The following GAPVD1 variants were observed in gnomAD, a reference collection of about 807,000 sequenced individuals.
GAPVD1 encodes the protein GTPase-activating protein and VPS9 domain-containing protein 1.
Under a neutral mutation model 155.5 loss-of-function variants are expected in GAPVD1, and 35 were observed. The observed-to-expected ratio is 0.23, with a 90% CI of 0.17 to 0.30. The LOEUF (loss-of-function observed/expected upper bound fraction) is 0.30, where lower values mean the gene tolerates loss of function less well. Ranked by LOEUF, GAPVD1 falls within the 10% of genes least tolerant of loss-of-function variation. The pLI is 1.00. For missense variants in GAPVD1, 1,429 were observed against 1,775.7 expected (o/e 0.80, Z 3.51); for synonymous variants, 636 against 619.7 (o/e 1.03, Z -0.39).
intron 13 of GAPVD1, among the ~76,000 whole-genome samples, chr9:125,330,546 A>G (rs1845928453): frequency 6.6e-6 from 1 of 151,958 alleles, no homozygotes; most frequent in African/African-American, 2.4e-5. Context: ...TGAACTACTG[A>G]CCTCAGGTGA....
At chr9:125,268,484 C>G (rs972866527) in intron 1 of GAPVD1, among the ~76,000 whole-genome samples, 5 of 151,326 alleles carry the variant, frequency 3.3e-5, no homozygotes, top group Non-Finnish European at 7.4e-5. Context: ...GGAATAATTA[C>G]CCCTAACATT....
intron 2 of GAPVD1, among the ~76,000 whole-genome samples, chr9:125,292,669 C>T (rs577274714): frequency 7.9e-5 from 12 of 152,008 alleles, no homozygotes; most frequent in Non-Finnish European, 1.3e-4. Context: ...GGATTACAGG[C>T]GTGAACCACC....
intron 2 of GAPVD1, among the ~76,000 whole-genome samples, chr9:125,272,767 T>C (rs1054637170): frequency 6.6e-6 from 1 of 152,190 alleles, no homozygotes; most frequent in African/African-American, 2.4e-5. Context: ...AATGAATATG[T>C]ATACTTTTTA....
At chr9:125,262,611 A>G (rs563675134) in intron 1 of GAPVD1, among the ~76,000 whole-genome samples, 1 of 152,302 alleles carries the variant, frequency 6.6e-6, no homozygotes, top group African/African-American at 2.4e-5. Flanking sequence ...AGGGAGACAT[A>G]GTGATAGGTT....
rs186114806 is a variant in GAPVD1 at position 125,362,918 on chromosome 9, C to T, written c.*172C>T. 4.5e-6 allele frequency: 2 copies of T among 444,716 alleles called. No homozygotes were observed. The highest frequency in any genetic ancestry group is 4.3e-5 in the Admixed American group (1 of 23,006). The allele number at this position is 444,716 out of a possible 1,614,324, so 27.5% of individuals were successfully genotyped here. On this transcript the variant is annotated 3_prime_UTR_variant, in exon 28 of 28. Coordinates refer to ENST00000297933, the MANE Select transcript of GAPVD1 (RefSeq NM_001282680.3). ...GTTAATGAGCTAACAAGCAGGTTCT[C>T]TCGTCTTTGGGCTCTTTCCTTTCTG...
At chr9:125,272,273 C>T (rs1423218644) in intron 2 of GAPVD1, among the ~76,000 whole-genome samples, 2 of 152,162 alleles carry the variant, frequency 1.3e-5, no homozygotes, top group African/African-American at 2.4e-5. Flanking sequence ...CCACCCGCCT[C>T]GGCCTCCCAA....
At chr9:125,271,882 T>A (rs1299462742) in intron 2 of GAPVD1, among the ~76,000 whole-genome samples, 1 of 152,186 alleles carries the variant, frequency 6.6e-6, no homozygotes, top group Non-Finnish European at 1.5e-5. Flanking sequence ...TTGTTTTACT[T>A]GTGTTATTTA....
At chr9:125,321,393 C>G (rs200142262) in intron 9 of GAPVD1, 40 bp from the exon 10 acceptor site, 1 of 1,507,092 alleles carries the variant, frequency 6.6e-7, no homozygotes, top group African/African-American at 1.4e-5. Context: ...TATCAGTAAT[C>G]TTTCCATTGA....
At position 125,323,802 on chromosome 9, in the gene GAPVD1, T is replaced by A. The variant is rs900183029; in HGVS notation, c.1737T>A (p.Pro579=). The A allele has an allele frequency of 1.9e-6, 3 of 1,613,648 alleles. No individual in the cohort carries two copies. The highest frequency in any genetic ancestry group is 1.1e-5 in the South Asian group (1 of 91,084). ...SDNLEGISEG[P]SNRSNSVSSL... The stretch of plus-strand genomic sequence containing the variant: ...ACACTATAAACATTTCTCTAGGTCC[T>A]TCAAATCGCTCCAATTCAGTGTCCT... Residue 579 remains proline (P), a synonymous_variant, in exon 11 of 28, where the codon CCT becomes CCA. Coordinates refer to ENST00000297933, the MANE Select transcript of GAPVD1 (RefSeq NM_001282680.3).
At chr9:125,336,905 G>A in intron 15 of GAPVD1, 113 bp from the exon 16 acceptor site, 1 of 637,806 alleles carries the variant, frequency 1.6e-6, no homozygotes, top group East Asian at 2.6e-5. Context: ...TGCCTCTCAA[G>A]TTCTAATGGA....
At position 125,299,048 on chromosome 9, in the gene GAPVD1, C is replaced by G. The variant is rs778852840; in HGVS notation, c.127C>G (p.Arg43Gly). 1.2e-6 allele frequency: 2 copies of G among 1,609,460 alleles called. No homozygotes were observed. The highest frequency in any genetic ancestry group is 1.7e-6 in the Non-Finnish European group (2 of 1,177,572). Residue 43 changes from arginine to glycine, a missense_variant, in exon 4 of 28, where the codon CGT (arginine) becomes GGT (glycine). By Grantham distance (125) the Arg-to-Gly change is moderately radical. Transcript: ENST00000297933. ...DVLKTAEKLY[R>G]TAWIAKQQRI... ...ACTTAAGACAGCTGAAAAGTTGTAT[C>G]GTACAGCATGGATTGCGAAGCAACA...
chr9:125,334,307 T>C (rs1284601068), intron 15 of GAPVD1, among the ~76,000 whole-genome samples: 2 of 149,510 alleles, frequency 1.3e-5, no homozygotes, highest in Non-Finnish European at 3.0e-5. Context: ...TACTTAGGAA[T>C]GTCTTTGATG....
chr9:125,332,167 TA>T, intron 14 of GAPVD1, 107 bp downstream of exon 14: 2 of 1,116,998 alleles, frequency 1.8e-6, no homozygotes, highest in Non-Finnish European at 2.6e-6. Context: ...AAGAGCTGAG[TA>T]ATTTCCAGAA....
chr9:125,308,662 G>A (rs1381950425), intron 8 of GAPVD1: 1 of 152,102 alleles, frequency 6.6e-6, no homozygotes, highest in Non-Finnish European at 1.5e-5. Context: ...TCCATACTGT[G>A]GGTAGGCACT....
chr9:125,298,228 A>C (rs975500097), intron 3 of GAPVD1, among the ~76,000 whole-genome samples: 2 of 152,190 alleles, frequency 1.3e-5, no homozygotes, highest in African/African-American at 4.8e-5. Flanking sequence ...TAGAATCAAC[A>C]GGATATTTTG....
intron 19 of GAPVD1, among the ~76,000 whole-genome samples, chr9:125,345,664 A>G (rs752520450): frequency 1.3e-5 from 2 of 152,178 alleles, no homozygotes; most frequent in Non-Finnish European, 2.9e-5. Context: ...TAAGCTGTCT[A>G]TGTCTTGATT....
intron 21 of GAPVD1, among the ~76,000 whole-genome samples, chr9:125,350,081 G>A (rs1475184699): frequency 6.6e-6 from 1 of 152,168 alleles, no homozygotes; most frequent in Non-Finnish European, 1.5e-5. Flanking sequence ...TTTGATTCTG[G>A]TGCTTTAAAG....
chr9:125,330,050 A>AACCCTTT (rs1461397637), intron 12 of GAPVD1, 28 bp from the exon 13 acceptor site: 1 of 1,562,900 alleles, frequency 6.4e-7, no homozygotes, highest in Non-Finnish European at 8.7e-7. Context: ...GATCTTTGTT[A>AACCCTTT]ACCCTTTGCT....
chr9:125,333,485 C>CT (rs36083522), intron 15 of GAPVD1, among the ~76,000 whole-genome samples: 2,738 of 124,338 alleles, frequency 0.022, 99 homozygotes, highest in East Asian at 0.089. Flanking sequence ...TACCTTTTGT[C>CT]TTTTTTTTTT....
Sources: gnomAD v4.1 joint callset for allele counts (sites outside exome capture counted in the v4.1 genomes callset) on GRCh38, gnomAD v4.1.1 for gene constraint, MANE v1.5 for transcripts, NCBI Gene and HGNC (gene_info 2026-07-23, HGNC 2026-07-21) for gene names.